CAMKK2: variants seen among roughly 807,000 people sequenced by gnomAD.
CAMKK2 encodes the protein calcium/calmodulin-dependent protein kinase kinase 2.
A neutral mutation model predicts 67.2 loss-of-function variants in CAMKK2; 30 were observed. That is an observed-to-expected ratio of 0.45 (90% CI 0.33 to 0.61). The LOEUF (loss-of-function observed/expected upper bound fraction) is 0.61, where lower values mean the gene tolerates loss of function less well. Ranked by LOEUF, CAMKK2 falls within the 20% of genes least tolerant of loss-of-function variation. The probability of loss-of-function intolerance (pLI) is 0.02; values close to 1 mark genes in which losing one functional copy is unlikely to be tolerated. For synonymous variants in CAMKK2, 322 were observed against 326.2 expected (o/e 0.99, Z 0.14); for missense variants, 643 against 802.0 (o/e 0.80, Z 2.39).
intron 11 of CAMKK2, among the ~76,000 whole-genome samples, chr12:121,251,615 G>A (rs934649228): frequency 6.6e-6 from 1 of 152,020 alleles, no homozygotes; most frequent in East Asian, 1.9e-4. Flanking sequence ...ATCATTTGAG[G>A]TCAGGAGTTT....
intron 1 of CAMKK2, among the ~76,000 whole-genome samples, chr12:121,293,473 C>A (rs1187596240): frequency 7.1e-6 from 1 of 140,756 alleles, no homozygotes; most frequent in African/African-American, 3.2e-5. Flanking sequence ...CCTCTCTGAG[C>A]CCTTCATATA....
chr12:121,282,813 G>T (rs1898045646), intron 1 of CAMKK2, among the ~76,000 whole-genome samples: 1 of 152,026 alleles, frequency 6.6e-6, no homozygotes, highest in Non-Finnish European at 1.5e-5. Flanking sequence ...GGAGTGCAAT[G>T]GCGCAATTTC....
chr12:121,244,422 A>G, intron 16 of CAMKK2, 151 bp downstream of exon 16: 1 of 753,858 alleles, frequency 1.3e-6, no homozygotes, highest in Non-Finnish European at 2.1e-6. Flanking sequence ...TCATTCTAAT[A>G]CTGGGTCTGG....
At chr12:121,242,264 G>A (rs1423613878) in intron 16 of CAMKK2, among the ~76,000 whole-genome samples, 1 of 149,418 alleles carries the variant, frequency 6.7e-6, no homozygotes, top group Non-Finnish European at 1.5e-5. Context: ...GAGCCTAGGA[G>A]GCAGAGGTTG....
chr12:121,249,688 G>GGAGGGTGTGGTGCTGTGGACAC (rs1890251807), intron 13 of CAMKK2, 99 bp downstream of exon 13: 3 of 975,040 alleles, frequency 3.1e-6, no homozygotes, highest in Non-Finnish European at 5.0e-6. Context: ...GCGGTGCCAA[G>GGAGGGTGTGGTGCTGTGGACAC]GAGGGTGTGG....
intron 1 of CAMKK2, among the ~76,000 whole-genome samples, chr12:121,276,806 A>G (rs1896894565): frequency 6.7e-6 from 1 of 150,020 alleles, no homozygotes; most frequent in Non-Finnish European, 1.5e-5. Context: ...GAATTGCTTG[A>G]ACCTGGGAGG....
chr12:121,261,045 C>T (rs945898614), intron 6 of CAMKK2, among the ~76,000 whole-genome samples: 3 of 146,006 alleles, frequency 2.1e-5, no homozygotes, highest in Non-Finnish European at 3.1e-5. Context: ...AGTGACTCCA[C>T]GAAGCCTCCC....
In CAMKK2 at chr12:121,291,648, T is replaced by C. The variant is rs539363673; in HGVS notation, c.-60+4990A>G. The stretch of plus-strand genomic sequence containing the variant: ...GGGCACTGGGAAGAGAGAGTGACAG[T>C]TTAATGGGTACAAGGTTTCCTCTGG... On this transcript the variant is annotated intron_variant, in intron 1 of 16. Coordinates refer to ENST00000404169, the MANE Select transcript of CAMKK2 (RefSeq NM_001270485.2). Among the ~76,000 whole-genome samples, 4 of 152,268 alleles carry C rather than the reference T, an allele frequency of 2.6e-5. No individual in the cohort carries two copies. In the South Asian group the frequency reaches 6.2e-4, roughly 24 times the overall value.
chr12:121,262,372 C>T (rs1056982299), intron 6 of CAMKK2, among the ~76,000 whole-genome samples: 2 of 152,006 alleles, frequency 1.3e-5, no homozygotes, highest in South Asian at 2.1e-4. Context: ...ATTAGCCAGG[C>T]GTGGTAGCGG....
intron 13 of CAMKK2, 37 bp downstream of exon 13, chr12:121,249,750 A>G: frequency 1.3e-6 from 2 of 1,578,856 alleles, no homozygotes; most frequent in Non-Finnish European, 1.7e-6. Context: ...TGAGCCAAAC[A>G]ATTCCGAGCA....
rs746809158 is a variant in CAMKK2 at position 121,240,857 on chromosome 12, G to T, written c.1609C>A (p.Arg537=). ...SLSELKEARQ[R]RQPPGHRPAP... ...GGTCGGTGCCCTGGAGGTTGTCTTCGCTGCCTTGCTTCCTGCTCACCGAAC... is the reference window on the plus strand; with the variant it reads ...GGTCGGTGCCCTGGAGGTTGTCTTCTCTGCCTTGCTTCCTGCTCACCGAAC... Residue 537 remains arginine, a synonymous_variant, in exon 17 of 17, where the codon CGA becomes AGA. Coordinates refer to ENST00000404169, the MANE Select transcript of CAMKK2 (RefSeq NM_001270485.2). This position sits in a 1 kb window ranked among gnomAD's most constrained non-coding sequence, Gnocchi z 4.4. The T allele has an allele frequency of 1.2e-6, 2 of 1,612,302 alleles. No individual in the cohort carries two copies. The highest frequency in any genetic ancestry group is 1.7e-5 in the Admixed American group (1 of 59,942).
intron 3 of CAMKK2, among the ~76,000 whole-genome samples, chr12:121,270,285 G>C (rs747528584): frequency 6.6e-6 from 1 of 151,350 alleles, no homozygotes; most frequent in Non-Finnish European, 1.5e-5. Context: ...CAGGAGAATC[G>C]CTTGAGCCTA....
intron 2 of CAMKK2, among the ~76,000 whole-genome samples, chr12:121,273,118 T>G (rs11831577): frequency 0.049 from 7,398 of 151,966 alleles, 571 homozygotes; most frequent in African/African-American, 0.17. Context: ...AGATGCTGAT[T>G]AACGTTATGA....
intron 9 of CAMKK2, among the ~76,000 whole-genome samples, chr12:121,254,959 C>T (rs1184284718): frequency 6.6e-6 from 1 of 151,648 alleles, no homozygotes; most frequent in South Asian, 2.1e-4. Flanking sequence ...GGCAGACCCA[C>T]AATCTAATCA....
At chr12:121,287,913 A>G (rs1196339774) in intron 1 of CAMKK2, among the ~76,000 whole-genome samples, 1 of 152,224 alleles carries the variant, frequency 6.6e-6, no homozygotes, top group African/African-American at 2.4e-5. Context: ...TTGGGGCTGT[A>G]CTGAGCTATG....
At chr12:121,243,995 G>A in intron 16 of CAMKK2, 1 of 1,531,784 alleles carries the variant, frequency 6.5e-7, no homozygotes, top group Non-Finnish European at 8.8e-7. Context: ...CATCTGTCCT[G>A]GGAGGTTCTG....
chr12:121,272,701 T>TAAAA (rs11292057), intron 2 of CAMKK2, among the ~76,000 whole-genome samples: 1 of 117,486 alleles, frequency 8.5e-6, no homozygotes, highest in Non-Finnish European at 1.7e-5. Flanking sequence ...CATCTCTACT[T>TAAAA]AAAAAAAAAA....
chr12:121,271,751 AGGCT>A lies in CAMKK2; in HGVS notation c.472-810_472-807del, dbSNP rs202234504. On this transcript the variant is annotated intron_variant, in intron 2 of 16. Transcript: ENST00000404169. ...AGATGGAGTTTTGCTCTTGTTGCCC[AGGCT>A]GGAGTGCAATGGCACAATCTCAGCT... 1.4e-4 allele frequency among the ~76,000 whole-genome samples: 22 copies of A among 152,320 alleles called. No homozygotes were observed. In the East Asian group the frequency reaches 2.5e-3, roughly 17 times the overall value.
intron 10 of CAMKK2, 93 bp from the exon 11 acceptor site, chr12:121,252,807 GC>G (rs1366220583): frequency 8.4e-6 from 11 of 1,304,830 alleles, no homozygotes; most frequent in Non-Finnish European, 1.1e-5. Context: ...TTGACTTTCA[GC>G]CCTTGGAGTT....
Sources: allele counts gnomAD v4.1 joint callset (sites outside exome capture counted in the v4.1 genomes callset), GRCh38; gene constraint gnomAD v4.1.1; non-coding constraint Gnocchi (gnomAD v3.1); transcripts MANE v1.5; gene names NCBI Gene and HGNC (gene_info 2026-07-23, HGNC 2026-07-21).